Variants in DST observed in about 807,000 individuals in gnomAD.
The protein encoded by DST is bullous pemphigoid antigen.
In DST, 253 loss-of-function variants were observed where a neutral mutation model predicts 875.2. The ratio of observed to expected loss-of-function variants is 0.29; its 90% CI spans 0.26 to 0.32. The LOEUF is 0.32. Ranked by LOEUF, DST falls within the 10% of genes least tolerant of loss-of-function variation. The pLI is 1.00. For synonymous variants in DST, 3,124 were observed against 3,197.1 expected, an observed-to-expected ratio of 0.98 and a Z score of 0.77; for missense variants, 8,287 against 9,111.6, an observed-to-expected ratio of 0.91 and a Z score of 3.68.
intron 3 of DST, among the ~76,000 whole-genome samples, chr6:56,895,179 C>G (rs1264817904): frequency 1.4e-5 from 1 of 72,612 alleles, no homozygotes; most frequent in Non-Finnish European, 2.5e-5. Context: ...ACCTCCCTCC[C>G]GGACGGGGTG....
chr6:56,953,290 A>C (rs535570987), intron 2 of DST, among the ~76,000 whole-genome samples: 2 of 152,350 alleles, frequency 1.3e-5, no homozygotes, highest in Admixed American at 6.5e-5. Context: ...AGCACACACT[A>C]CCATCATCGC....
intron 39 of DST, among the ~76,000 whole-genome samples, chr6:56,609,882 A>G (rs1364773572): frequency 2.6e-5 from 4 of 152,150 alleles, no homozygotes; most frequent in Admixed American, 6.5e-5. Context: ...TATAAAGATA[A>G]CTTTTTGAAT....
intron 4 of DST, among the ~76,000 whole-genome samples, chr6:56,840,189 A>C (rs2099798305): frequency 6.6e-6 from 1 of 152,198 alleles, no homozygotes; most frequent in South Asian, 2.1e-4. Context: ...TAAACTCAAA[A>C]AGCAGAATTT....
chr6:56,739,112 A>G (rs1347356649), intron 4 of DST, among the ~76,000 whole-genome samples: 2 of 148,352 alleles, frequency 1.3e-5, no homozygotes, highest in African/African-American at 2.5e-5. Flanking sequence ...CACATACTAG[A>G]TGCCACAAAG....
At chr6:56,867,768 G>A (rs1164677426) in intron 3 of DST, among the ~76,000 whole-genome samples, 5 of 152,126 alleles carry the variant, frequency 3.3e-5, no homozygotes, top group African/African-American at 1.2e-4. Flanking sequence ...GGGTGGCAGA[G>A]GATGCAGTGA....
At chr6:56,627,354 C>A in intron 33 of DST, 67 bp from the exon 34 acceptor site, 3 of 1,089,372 alleles carry the variant, frequency 2.8e-6, no homozygotes, top group South Asian at 2.5e-5. Context: ...ATAAGATGCT[C>A]AGTAACTAAG....
At chr6:56,694,597 G>A (rs2099252347) in intron 9 of DST, among the ~76,000 whole-genome samples, 1 of 152,030 alleles carries the variant, frequency 6.6e-6, no homozygotes, top group South Asian at 2.1e-4. Context: ...AATGTATAAT[G>A]GCTGATATTT....
chr6:56,920,181 C>A (rs1369662601), intron 2 of DST, among the ~76,000 whole-genome samples: 1 of 152,092 alleles, frequency 6.6e-6, no homozygotes. Flanking sequence ...ATCCAGTAAC[C>A]AAGGGATCTA....
chr6:56,468,266 T>C, intron 98 of DST, among the ~76,000 whole-genome samples: 1 of 152,296 alleles, frequency 6.6e-6, no homozygotes, highest in African/African-American at 2.4e-5. Context: ...CTACACAGGT[T>C]ATACTGACTT....
intron 56 of DST, among the ~76,000 whole-genome samples, chr6:56,561,883 T>C (rs2097540443): frequency 6.6e-6 from 1 of 152,062 alleles, no homozygotes; most frequent in Admixed American, 6.6e-5. Flanking sequence ...TGACAAAATA[T>C]CTCAAATTAA....
At chr6:56,619,027 T>C in intron 36 of DST, 2 of 1,614,242 alleles carry the variant, frequency 1.2e-6, no homozygotes, top group Admixed American at 1.7e-5. Flanking sequence ...TAATGTTCTG[T>C]TGGTCACACT....
chr6:56,472,017 G>C (rs886434989), intron 94 of DST, 42 bp downstream of exon 94: 1 of 1,603,142 alleles, frequency 6.2e-7, no homozygotes, highest in African/African-American at 1.3e-5. Flanking sequence ...TGAGGAATGA[G>C]GGCAAATGAC....
chr6:56,692,756 C>T (rs544968748), intron 9 of DST: 1 of 1,289,774 alleles, frequency 7.8e-7, no homozygotes, highest in African/African-American at 1.5e-5. Flanking sequence ...ACTTCTGTTT[C>T]ACTGTCTTTA....
intron 10 of DST, among the ~76,000 whole-genome samples, chr6:56,663,630 G>A (rs748397989): frequency 2.0e-5 from 3 of 152,196 alleles, no homozygotes; most frequent in African/African-American, 4.8e-5. Flanking sequence ...CTGAATCACC[G>A]GCCTCCAGGT....
chr6:56,495,518 T>C (rs2095873559), intron 82 of DST, among the ~76,000 whole-genome samples: 1 of 151,946 alleles, frequency 6.6e-6, no homozygotes, highest in Non-Finnish European at 1.5e-5. Context: ...TATTAGAAAA[T>C]AATCCCAAGC....
At chr6:56,824,015 G>A (rs990339337) in intron 4 of DST, among the ~76,000 whole-genome samples, 11 of 150,960 alleles carry the variant, frequency 7.3e-5, no homozygotes, top group African/African-American at 1.7e-4. Flanking sequence ...CTCTCCCCAC[G>A]GTCTCCCTCT....
intron 4 of DST, among the ~76,000 whole-genome samples, chr6:56,786,047 T>C (rs2099704744): frequency 6.6e-6 from 1 of 152,240 alleles, no homozygotes. Context: ...CTCATTTTCA[T>C]GTCCCCAGCA....
Position 56,639,589 on chromosome 6 carries a change from C to T in DST, c.2720G>A (p.Arg907Gln), listed in dbSNP as rs772145192. The T allele has an allele frequency of 3.1e-6, 5 of 1,613,638 alleles. No homozygotes were observed. The highest frequency in any genetic ancestry group is 1.1e-5 in the South Asian group (1 of 91,054). Residue 907 changes from arginine (R) to glutamine (Q), a missense_variant, in exon 21 of 104, where the codon CGG (arginine) becomes CAG (glutamine). Around this residue, in one of 10 missense-constraint regions of DST, gnomAD observed 1,160 missense variants for 1,424.3 expected, o/e 0.81. Coordinates refer to ENST00000680361, the MANE Select transcript of DST (RefSeq NM_001374736.1). ...KLLNTSRNQE[R>Q]HLDTLHNFVS... ...AAAATTATGGAGTGTATCAAGGTGC[C>T]GTTCTTGATTCCTGGATGTATTCTT...
At chr6:56,817,845 A>G (rs1416425267) in intron 4 of DST, among the ~76,000 whole-genome samples, 1 of 152,188 alleles carries the variant, frequency 6.6e-6, no homozygotes, top group African/African-American at 2.4e-5. Flanking sequence ...TGAATATGTT[A>G]CCCTAAGTGG....
Sources: gnomAD v4.1 joint callset for allele counts (sites outside exome capture counted in the v4.1 genomes callset) on GRCh38, gnomAD v4.1.1 for gene constraint, gnomAD v4.1.1 regional missense constraint, MANE v1.5 for transcripts, NCBI Gene and HGNC (gene_info 2026-07-23, HGNC 2026-07-21) for gene names.